ABI3BP: variants seen among roughly 807,000 people sequenced by gnomAD.
ABI3BP encodes target of Nesh-SH3.
ABI3BP carries 216 observed loss-of-function variants against 268.6 expected under a neutral mutation model. The ratio of observed to expected loss-of-function variants is 0.80; its 90% CI spans 0.72 to 0.90. The LOEUF (loss-of-function observed/expected upper bound fraction) is 0.90, where lower values mean the gene tolerates loss of function less well. ABI3BP is among the 40% of genes least tolerant of loss of function. The pLI, the probability that ABI3BP is intolerant of heterozygous loss-of-function variation, is 0.00. For missense variants in ABI3BP, 2,090 were observed against 2,182.4 expected, an observed-to-expected ratio of 0.96 and a Z score of 0.84; for synonymous variants, 730 against 730.0, an observed-to-expected ratio of 1.00 and a Z score of 0.00.
intron 1 of ABI3BP, among the ~76,000 whole-genome samples, chr3:100,985,743 C>G (rs1343089227): frequency 6.6e-6 from 1 of 152,162 alleles, no homozygotes; most frequent in Non-Finnish European, 1.5e-5. Context: ...AGATATTTAT[C>G]TCAATTCTCA....
chr3:100,889,482 T>C (rs531865702), intron 4 of ABI3BP, among the ~76,000 whole-genome samples: 2 of 152,358 alleles, frequency 1.3e-5, no homozygotes, highest in South Asian at 4.1e-4. Context: ...TTTGTTTTAA[T>C]GTGTATTTAC....
At chr3:100,811,921 A>G (rs2097869680) in intron 46 of ABI3BP, 122 bp from the exon 47 acceptor site, 7 of 734,086 alleles carry the variant, frequency 9.5e-6, no homozygotes, top group Middle Eastern at 2.4e-4. Context: ...CTTGAGAATA[A>G]TTAACATTTA....
intron 10 of ABI3BP, 86 bp downstream of exon 10, chr3:100,866,793 C>G: frequency 2.7e-6 from 3 of 1,128,080 alleles, no homozygotes; most frequent in Non-Finnish European, 2.6e-6. Flanking sequence ...CCTACTGGCT[C>G]TTTACTGAAA....
chr3:100,898,909 T>G lies in ABI3BP; in HGVS notation c.329-15A>C. On this transcript the variant is annotated splice_polypyrimidine_tract_variant and intron_variant, in intron 3 of 67. Coordinates refer to ENST00000471714, the MANE Select transcript of ABI3BP (RefSeq NM_001375547.2). ...ACGAGTTTTACCTGTGGAGGTGGCA[T>G]AGAGGTTAATAATTCAGGAGACATT... 5 of 1,594,722 alleles carry G rather than the reference T, an allele frequency of 3.1e-6. No individual in the cohort carries two copies. The highest frequency in any genetic ancestry group is 4.3e-6 in the Non-Finnish European group (5 of 1,171,732).
intron 1 of ABI3BP, among the ~76,000 whole-genome samples, chr3:100,934,002 C>T (rs2064829992): frequency 6.6e-6 from 1 of 152,034 alleles, no homozygotes; most frequent in South Asian, 2.1e-4. Context: ...TTTAATTATA[C>T]TCTAAGTTCT....
rs1310145906 is a variant in ABI3BP at position 100,749,811 on chromosome 3, A to G, written c.*684T>C. On this transcript the variant is annotated 3_prime_UTR_variant, in exon 68 of 68. Coordinates refer to ENST00000471714, the MANE Select transcript of ABI3BP (RefSeq NM_001375547.2). ...TAACATTTATGGTGGGTAAAAATGT[A>G]TCTTTTGAAACAATATATTAGACTC... 2.5e-6 allele frequency: 1 copy of G among 397,548 alleles called. No homozygotes were observed. The highest frequency in any genetic ancestry group is 3.6e-5 in the East Asian group (1 of 27,950). 24.6% of individuals were successfully genotyped at this position (397,548 alleles called of 1,614,324 possible).
chr3:100,807,807 A>G (rs1315876606), intron 50 of ABI3BP, among the ~76,000 whole-genome samples: 2 of 152,044 alleles, frequency 1.3e-5, no homozygotes, highest in Non-Finnish European at 2.9e-5. Context: ...ATTTCAAATT[A>G]GATGATTGGC....
At chr3:100,892,447 ATTCTT>A (rs1377037553) in intron 4 of ABI3BP, among the ~76,000 whole-genome samples, 1 of 152,262 alleles carries the variant, frequency 6.6e-6, no homozygotes, top group African/African-American at 2.4e-5. Context: ...TGGGAAAAGT[ATTCTT>A]TTAATAGTAT....
intron 1 of ABI3BP, among the ~76,000 whole-genome samples, chr3:100,953,165 C>T (rs1204833844): frequency 6.6e-6 from 1 of 152,160 alleles, no homozygotes; most frequent in African/African-American, 2.4e-5. Context: ...ACATAATATC[C>T]AAAGGCTTGG....
Position 100,839,632 on chromosome 3 carries a change from C to G in ABI3BP, c.1898-16G>C, listed in dbSNP as rs941962251. On this transcript the variant is annotated splice_polypyrimidine_tract_variant and intron_variant, in intron 23 of 67. Coordinates refer to ENST00000471714, the MANE Select transcript of ABI3BP (RefSeq NM_001375547.2). The stretch of plus-strand genomic sequence containing the variant: ...GGTTCCAGAGCTACAGAAGCAAATA[C>G]CAAAAACATGAAATATTTCAAGAAG... The G allele has an allele frequency of 6.5e-7, 1 of 1,535,506 alleles. No homozygotes were observed. Among genetic ancestry groups the G allele is most frequent in the African/African-American group, 1.4e-5 (1 of 72,980 alleles).
In ABI3BP at chr3:100,840,895, A is replaced by C. The variant is rs757161047; in HGVS notation, c.1766-37T>G. 6.0e-6 allele frequency: 9 copies of C among 1,494,512 alleles called. 1 individual carries two copies. In the South Asian group the frequency reaches 1.1e-4, roughly 18 times the overall value. The allele number at this position is 1,494,512 out of a possible 1,614,324, so 92.6% of individuals were successfully genotyped here. ...TGAAAAAATCACCAAGAAAGAATCA[A>C]GATCAAAGGAAAAATGACATGTATT... On this transcript the variant is annotated intron_variant, in intron 21 of 67. Coordinates refer to ENST00000471714, the MANE Select transcript of ABI3BP (RefSeq NM_001375547.2).
At chr3:100,899,011 T>G in intron 3 of ABI3BP, 117 bp from the exon 4 acceptor site, 2 of 1,130,718 alleles carry the variant, frequency 1.8e-6, no homozygotes, top group African/African-American at 3.1e-5. Flanking sequence ...AAACATCAAG[T>G]TCCTTTCCTT....
chr3:100,899,357 C>A (rs1049103911), intron 3 of ABI3BP, among the ~76,000 whole-genome samples: 30 of 152,026 alleles, frequency 2.0e-4, no homozygotes, highest in Non-Finnish European at 4.1e-4. Flanking sequence ...AGAAAATAAA[C>A]CTTATTATCT....
At chr3:100,885,632 C>A (rs1304019112) in intron 5 of ABI3BP, 44 bp from the exon 6 acceptor site, 3 of 1,239,314 alleles carry the variant, frequency 2.4e-6, no homozygotes, top group Non-Finnish European at 3.4e-6. Context: ...ATTCTCCTTG[C>A]TCCTAAATCA....
At chr3:100,920,666 C>T (rs2059953961) in intron 2 of ABI3BP, among the ~76,000 whole-genome samples, 1 of 152,126 alleles carries the variant, frequency 6.6e-6, no homozygotes, top group Non-Finnish European at 1.5e-5. Context: ...CGTGATCCAC[C>T]TGCCTCGGCA....
intron 63 of ABI3BP, among the ~76,000 whole-genome samples, chr3:100,763,984 C>T (rs2096124866): frequency 6.6e-6 from 1 of 152,194 alleles, no homozygotes; most frequent in Non-Finnish European, 1.5e-5. Flanking sequence ...CTCCCCATCT[C>T]CTGATCTGGC....
At chr3:100,936,339 G>T (rs139846488) in intron 1 of ABI3BP, among the ~76,000 whole-genome samples, 2,774 of 152,284 alleles carry the variant, frequency 0.018, 38 homozygotes, top group South Asian at 0.04. Flanking sequence ...CTTGATCGTG[G>T]TGGATAAGCT....
At chr3:100,933,480 A>G (rs945747988) in intron 1 of ABI3BP, among the ~76,000 whole-genome samples, 3 of 151,884 alleles carry the variant, frequency 2.0e-5, no homozygotes, top group Admixed American at 6.6e-5. Context: ...TCAAAATAAT[A>G]AAGTCAATTC....
chr3:100,988,982 T>A (rs1342905673), intron 1 of ABI3BP, among the ~76,000 whole-genome samples: 1 of 152,228 alleles, frequency 6.6e-6, no homozygotes, highest in East Asian at 1.9e-4. Context: ...GGTACTATAG[T>A]CTGAATGTGT....
Sources: allele counts gnomAD v4.1 joint callset (sites outside exome capture counted in the v4.1 genomes callset), GRCh38; gene constraint gnomAD v4.1.1; transcripts MANE v1.5; gene names NCBI Gene and HGNC (gene_info 2026-07-23, HGNC 2026-07-21).